The following POTEB2 variants were observed in gnomAD, a reference collection of about 807,000 sequenced individuals.
POTEB2 encodes POTE ankyrin domain family, member B2.
A neutral mutation model predicts 1.8 loss-of-function variants in POTEB2; 1 was observed. That is an observed-to-expected ratio of 0.55 (90% CI 0.20 to 2.62). POTEB2 has a LOEUF of 2.62. POTEB2 is among the 30% of genes most tolerant of loss of function. The probability of loss-of-function intolerance (pLI) is 0.24; values close to 1 mark genes in which losing one functional copy is unlikely to be tolerated.
rs1301428168 is a variant in POTEB2 at position 20,846,765 on chromosome 15, G to T, written c.1131+280C>A. ...CTAGTGATAATCAGACTAAAACCAA[G>T]AAAGATAAAAGGATTGGTCCAAATC... On this transcript the variant is annotated intron_variant, in intron 8 of 10. Transcript: ENST00000454856. Among the ~76,000 whole-genome samples, 2 of 20,210 alleles carry T rather than the reference G, an allele frequency of 9.9e-5. 1 individual carries two copies. The highest frequency in any genetic ancestry group is 1.4e-4 in the Non-Finnish European group (2 of 13,858). 13.3% of individuals were successfully genotyped at this position (20,210 alleles called of 152,430 possible).
At chr15:20,852,858 T>TTAGA (rs1406686510) in intron 6 of POTEB2, among the ~76,000 whole-genome samples, 2 of 75,502 alleles carry the variant, frequency 2.6e-5, no homozygotes, top group Non-Finnish European at 5.2e-5. Flanking sequence ...TTCTGTAGCA[T>TTAGA]TAGAAAAATG....
rs746016487 is a variant in POTEB2 at position 20,836,384 on chromosome 15, T to TACACACAC, written c.1423-789_1423-782dup. On this transcript the variant is annotated intron_variant, in intron 10 of 10. Transcript: ENST00000454856. ...TGACAGTGCAAGACTCCATCTAGAA[T>TACACACAC]ACACACACACACACACACACACACA... Among the ~76,000 whole-genome samples, 248 of 55,490 alleles carry TACACACAC rather than the reference T, an allele frequency of 4.5e-3. 2 individuals carry two copies. The highest frequency in any genetic ancestry group is 0.013 in the African/African-American group (238 of 18,748). 36.4% of individuals were successfully genotyped at this position (55,490 alleles called of 152,430 possible). A position where few individuals can be genotyped will look rare whatever the true frequency, so the allele number is the denominator to read the frequency against.
intron 9 of POTEB2, among the ~76,000 whole-genome samples, chr15:20,839,421 A>G (rs1889413753): frequency 2.1e-5 from 1 of 47,276 alleles, no homozygotes; most frequent in Non-Finnish European, 3.5e-5. Flanking sequence ...TCCATTAAAA[A>G]GTGGGCACAT....
chr15:20,860,447 A>C, intron 3 of POTEB2, among the ~76,000 whole-genome samples: 1 of 47,258 alleles, frequency 2.1e-5, no homozygotes, highest in Admixed American at 2.3e-4. Context: ...ACAAACAAAA[A>C]CAAAAACAAA....
intron 9 of POTEB2, among the ~76,000 whole-genome samples, chr15:20,839,187 C>T (rs1421235376): frequency 4.7e-4 from 49 of 105,254 alleles, no homozygotes; most frequent in African/African-American, 1.9e-3. Flanking sequence ...TGATGAGGAC[C>T]CTGAAAGCAA....
Position 20,860,230 on chromosome 15 carries a change from C to A in POTEB2, c.699+812G>T, listed in dbSNP as rs1889661138. On this transcript the variant is annotated intron_variant, in intron 3 of 10. Transcript: ENST00000454856. ...CCTTCTACTCAAGGGTTTCCCACTACATTACCACATATTCACTGCCAGTCT... is the reference window on the plus strand; with the variant it reads ...CCTTCTACTCAAGGGTTTCCCACTAAATTACCACATATTCACTGCCAGTCT... 1.2e-4 allele frequency among the ~76,000 whole-genome samples: 4 copies of A among 33,078 alleles called. 1 individual carries two copies. Among genetic ancestry groups the A allele is most frequent in the Admixed American group, 3.7e-4 (1 of 2,700 alleles). The allele number at this position is 33,078 out of a possible 152,430, so 21.7% of individuals were successfully genotyped here.
intron 10 of POTEB2, among the ~76,000 whole-genome samples, chr15:20,836,416 C>CACAT (rs1349210388): frequency 8.3e-4 from 69 of 83,214 alleles, no homozygotes; most frequent in African/African-American, 2.5e-3. Context: ...CACACACACA[C>CACAT]ATATATATAT....
chr15:20,839,920 A>ATG (rs1555393683), intron 9 of POTEB2, among the ~76,000 whole-genome samples: 1 of 106,338 alleles, frequency 9.4e-6, no homozygotes, highest in Non-Finnish European at 1.8e-5. Flanking sequence ...ATATATATAT[A>ATG]TATGTATGTA....
Position 20,839,257 on chromosome 15 carries a change from T to G in POTEB2, c.1299-1890A>C, listed in dbSNP as rs1315123351. ...TAAATAAATAAAGACCTAATTAAAC[T>G]AAAAAGCTTCAGCACAGCAAAAGAA... On this transcript the variant is annotated intron_variant, in intron 9 of 10. Transcript: ENST00000454856. Among the ~76,000 whole-genome samples the G allele has an allele frequency of 7.8e-4, 91 of 116,240 alleles. 8 individuals carry two copies. Among genetic ancestry groups the G allele is most frequent in the East Asian group, 8.6e-4 (3 of 3,476 alleles). 76.3% of individuals were successfully genotyped at this position (116,240 alleles called of 152,430 possible). A position where few individuals can be genotyped will look rare whatever the true frequency, so the allele number is the denominator to read the frequency against.
chr15:20,836,431 C>T (rs867100572), intron 10 of POTEB2, among the ~76,000 whole-genome samples: 18 of 81,048 alleles, frequency 2.2e-4, no homozygotes, highest in African/African-American at 7.5e-4. Context: ...ATATATGCAA[C>T]GTGCAAGATT....
At chr15:20,860,442 C>A (rs867122960) in intron 3 of POTEB2, among the ~76,000 whole-genome samples, 13,715 of 39,308 alleles carry the variant, frequency 0.35, 4,100 homozygotes, top group East Asian at 0.89. Flanking sequence ...CACACACAAA[C>A]AAAAACAAAA....
chr15:20,846,566 C>T lies in POTEB2; in HGVS notation c.1131+479G>A. 4.7e-5 allele frequency among the ~76,000 whole-genome samples: 2 copies of T among 42,128 alleles called. 1 individual carries two copies. Among genetic ancestry groups the T allele is most frequent in the Non-Finnish European group, 7.8e-5 (2 of 25,794 alleles). The allele number at this position is 42,128 out of a possible 152,430, so 27.6% of individuals were successfully genotyped here. A position where few individuals can be genotyped will look rare whatever the true frequency, so the allele number is the denominator to read the frequency against. ...TATATCAAAAACATGATGGTGCTCA[C>T]TGAAACATGAAAACCAAAGTTTGCC... is the stretch of plus-strand genomic sequence containing the variant. On this transcript the variant is annotated intron_variant, in intron 8 of 10. Transcript: ENST00000454856.
intron 3 of POTEB2, among the ~76,000 whole-genome samples, chr15:20,860,436 C>CAA (rs1474292205): frequency 4.6e-5 from 2 of 43,542 alleles, no homozygotes; most frequent in African/African-American, 1.4e-4. Flanking sequence ...CACACACACA[C>CAA]ACAAACAAAA....
chr15:20,843,568 A>G (rs1404527953), intron 9 of POTEB2, among the ~76,000 whole-genome samples: 1 of 61,554 alleles, frequency 1.6e-5, no homozygotes, highest in Non-Finnish European at 3.2e-5. Flanking sequence ...ATTACAGAAA[A>G]AAAAATAGTG....
chr15:20,839,194 G>A (rs1464805154), intron 9 of POTEB2, among the ~76,000 whole-genome samples: 3 of 109,500 alleles, frequency 2.7e-5, no homozygotes, highest in Middle Eastern at 4.4e-3. Context: ...GACCCTGAAA[G>A]CAAAAGCAAC....
rs1322814950 is a variant in POTEB2, at chr15:20,843,530, A to T, written c.1298+2303T>A. Among the ~76,000 whole-genome samples, 2 of 54,358 alleles carry T rather than the reference A, an allele frequency of 3.7e-5. 1 individual carries two copies. Among genetic ancestry groups the T allele is most frequent in the Non-Finnish European group, 7.0e-5 (2 of 28,740 alleles). The allele number at this position is 54,358 out of a possible 152,430, so 35.7% of individuals were successfully genotyped here. On this transcript the variant is annotated intron_variant, in intron 9 of 10. Coordinates refer to ENST00000454856, the MANE Select transcript of POTEB2 (RefSeq NM_001277303.1). ...AAATATTGCTGACAGATTAAATAAAATGAGGTGGAAGAAAAGGGCCTAGAT... is the reference window on the plus strand; with the variant it reads ...AAATATTGCTGACAGATTAAATAAATTGAGGTGGAAGAAAAGGGCCTAGAT...
chr15:20,844,838 C>T (rs1483909884), intron 9 of POTEB2, among the ~76,000 whole-genome samples: 1 of 46,264 alleles, frequency 2.2e-5, no homozygotes. Context: ...GTCAATGTAG[C>T]GTGTAGCTTC....
intron 10 of POTEB2, among the ~76,000 whole-genome samples, chr15:20,836,390 C>CACAT (rs376001611): frequency 0.45 from 32,055 of 71,578 alleles, 6,263 homozygotes; most frequent in East Asian, 0.66. Context: ...AGAATACACA[C>CACAT]ACACACACAC....
At chr15:20,839,025 C>T (rs1470934058) in intron 9 of POTEB2, among the ~76,000 whole-genome samples, 32 of 35,744 alleles carry the variant, frequency 9.0e-4, no homozygotes, top group Non-Finnish European at 3.6e-4. Flanking sequence ...AGAAAGTACA[C>T]GTTATTCAAC....
Sources: allele counts gnomAD v4.1 joint callset (sites outside exome capture counted in the v4.1 genomes callset), GRCh38; gene constraint gnomAD v4.1.1; transcripts MANE v1.5; gene names NCBI Gene and HGNC (gene_info 2026-07-23, HGNC 2026-07-21).